The following AGBL3 variants were observed in gnomAD, a reference collection of about 807,000 sequenced individuals.
AGBL3 encodes AGBL carboxypeptidase 3.
A neutral mutation model predicts 94.5 loss-of-function variants in AGBL3; 68 were observed. The ratio of observed to expected loss-of-function variants is 0.72; its 90% CI spans 0.59 to 0.88. The LOEUF (loss-of-function observed/expected upper bound fraction) is 0.88. Ranked by LOEUF, AGBL3 falls within the 40% of genes least tolerant of loss-of-function variation. AGBL3 has a pLI of 0.00. For missense variants in AGBL3, 934 were observed against 1,103.8 expected (o/e 0.85, Z 2.18); for synonymous variants, 354 against 370.7 (o/e 0.95, Z 0.52).
chr7:135,061,849 GT>G (rs1052547847), intron 12 of AGBL3, among the ~76,000 whole-genome samples: 2 of 152,084 alleles, frequency 1.3e-5, no homozygotes, highest in African/African-American at 4.8e-5. Context: ...GCTCAAGACT[GT>G]TTTGGCTAGT....
At chr7:135,126,538 C>G (rs548459004) in intron 16 of AGBL3, among the ~76,000 whole-genome samples, 1 of 152,304 alleles carries the variant, frequency 6.6e-6, no homozygotes, top group East Asian at 1.9e-4. Flanking sequence ...GAAAAAACTA[C>G]TTTAAATTTC....
intron 15 of AGBL3, among the ~76,000 whole-genome samples, chr7:135,086,822 C>T (rs56072909): frequency 0.49 from 73,613 of 151,622 alleles, 18,227 homozygotes; most frequent in South Asian, 0.66. Context: ...GTTGTTGTTG[C>T]GTCCTTGTCT....
intron 5 of AGBL3, among the ~76,000 whole-genome samples, chr7:135,019,438 A>AT (rs1182299778): frequency 1.3e-5 from 2 of 151,410 alleles, no homozygotes; most frequent in Non-Finnish European, 2.9e-5. Context: ...AAGATCACCT[A>AT]TTTTTTTCAA....
At chr7:135,000,825 G>A in intron 4 of AGBL3, among the ~76,000 whole-genome samples, 1 of 152,102 alleles carries the variant, frequency 6.6e-6, no homozygotes, top group African/African-American at 2.4e-5. Flanking sequence ...GTGCTCACAG[G>A]CTTTTTCCAT....
intron 12 of AGBL3, among the ~76,000 whole-genome samples, chr7:135,075,715 C>T (rs1240809415): frequency 2.0e-5 from 3 of 152,168 alleles, no homozygotes; most frequent in Admixed American, 6.5e-5. Context: ...ATGAGTAATC[C>T]GTTTTCTGTG....
At chr7:135,012,835 A>T (rs892713983) in intron 4 of AGBL3, among the ~76,000 whole-genome samples, 1 of 152,214 alleles carries the variant, frequency 6.6e-6, no homozygotes, top group South Asian at 2.1e-4. Context: ...ACCTAACATT[A>T]TAAAGCTCAT....
chr7:135,107,144 T>TA (rs34499544), intron 15 of AGBL3, among the ~76,000 whole-genome samples: 1 of 48,060 alleles, frequency 2.1e-5, no homozygotes, highest in Non-Finnish European at 5.5e-5. Flanking sequence ...ATATTATTGA[T>TA]TTTTTTTTCA....
intron 5 of AGBL3, among the ~76,000 whole-genome samples, chr7:135,020,773 G>A (rs1814345272): frequency 6.6e-6 from 1 of 152,040 alleles, no homozygotes; most frequent in Admixed American, 6.6e-5. Flanking sequence ...CATGGATTAA[G>A]CTGGAAACCA....
At chr7:135,081,609 T>C (rs17168216) in intron 14 of AGBL3, 110 bp from the exon 15 acceptor site, 30,477 of 607,488 alleles carry the variant, frequency 0.05, 1,309 homozygotes, top group East Asian at 0.19. Flanking sequence ...ACTAAACTAC[T>C]GTCTACAAGT....
chr7:135,041,096 C>G (rs962722802), intron 8 of AGBL3, among the ~76,000 whole-genome samples: 1 of 152,134 alleles, frequency 6.6e-6, no homozygotes, highest in East Asian at 1.9e-4. Context: ...TATGCTGAAG[C>G]CTTAAAAATG....
intron 15 of AGBL3, 146 bp from the exon 16 acceptor site, chr7:135,115,234 T>C (rs1826159572): frequency 1.8e-6 from 1 of 541,722 alleles, no homozygotes; most frequent in Non-Finnish European, 3.3e-6. Context: ...ATATTTTATT[T>C]GTTTATTTTC....
intron 15 of AGBL3, among the ~76,000 whole-genome samples, chr7:135,101,643 T>C (rs914949129): frequency 6.6e-6 from 1 of 152,170 alleles, no homozygotes; most frequent in African/African-American, 2.4e-5. Flanking sequence ...AACCATCTTT[T>C]ACTTCATCAC....
intron 4 of AGBL3, among the ~76,000 whole-genome samples, chr7:135,009,600 G>A (rs1016260340): frequency 6.6e-6 from 1 of 152,076 alleles, no homozygotes; most frequent in Non-Finnish European, 1.5e-5. Context: ...GCATAGATGG[G>A]TCTGGGTGGA....
intron 15 of AGBL3, among the ~76,000 whole-genome samples, chr7:135,100,266 A>C (rs1823628454): frequency 6.6e-6 from 1 of 152,102 alleles, no homozygotes; most frequent in South Asian, 2.1e-4. Flanking sequence ...CAAATGCTTT[A>C]CTATCCATTG....
At chr7:135,048,693 T>C (rs1284676990) in intron 11 of AGBL3, among the ~76,000 whole-genome samples, 1 of 151,788 alleles carries the variant, frequency 6.6e-6, no homozygotes, top group Non-Finnish European at 1.5e-5. Context: ...CACAATGGAT[T>C]TTTGTATGCA....
intron 11 of AGBL3, among the ~76,000 whole-genome samples, chr7:135,049,746 G>A (rs940182067): frequency 6.6e-6 from 1 of 151,704 alleles, no homozygotes; most frequent in Non-Finnish European, 1.5e-5. Flanking sequence ...TATTTCTGTA[G>A]TATCAGCTAT....
intron 12 of AGBL3, among the ~76,000 whole-genome samples, chr7:135,061,349 GTTGA>G (rs146706091): frequency 0.05 from 7,652 of 152,102 alleles, 257 homozygotes; most frequent in Non-Finnish European, 0.08. Context: ...TCATCATTCT[GTTGA>G]TTGTTTCATT....
chr7:135,048,184 G>T (rs1486407877), intron 11 of AGBL3, among the ~76,000 whole-genome samples: 1 of 151,708 alleles, frequency 6.6e-6, no homozygotes, highest in African/African-American at 2.4e-5. Flanking sequence ...TTATTTTGGG[G>T]CCCTGTATTC....
intron 2 of AGBL3, 61 bp downstream of exon 2, chr7:134,988,057 T>C: frequency 8.6e-7 from 1 of 1,159,904 alleles, no homozygotes; most frequent in Non-Finnish European, 1.2e-6. Flanking sequence ...AAATCCCCAA[T>C]TAAAATATTA....
Sources: allele counts gnomAD v4.1 joint callset (sites outside exome capture counted in the v4.1 genomes callset), GRCh38; gene constraint gnomAD v4.1.1; transcripts MANE v1.5; gene names NCBI Gene and HGNC (gene_info 2026-07-23, HGNC 2026-07-21).